The following DNAH9 variants were observed in gnomAD, a reference collection of about 807,000 sequenced individuals.
DNAH9 encodes dynein axonemal heavy chain 9, also known as DNAH9 variant protein.
In DNAH9, 345 loss-of-function variants were observed where a neutral mutation model predicts 471.6. The ratio of observed to expected loss-of-function variants is 0.73; its 90% CI spans 0.67 to 0.80. DNAH9 has a LOEUF of 0.80. Ranked by LOEUF, DNAH9 falls within the 30% of genes least tolerant of loss-of-function variation. The probability of loss-of-function intolerance (pLI) is 0.00; values close to 1 mark genes in which losing one functional copy is unlikely to be tolerated. For synonymous variants in DNAH9, 2,093 were observed against 2,123.6 expected (o/e 0.99, Z 0.40); for missense variants, 5,407 against 5,609.2 (o/e 0.96, Z 1.15).
intron 23 of DNAH9, among the ~76,000 whole-genome samples, chr17:11,700,501 C>G (rs181472683): frequency 6.6e-6 from 1 of 152,102 alleles, no homozygotes; most frequent in Non-Finnish European, 1.5e-5. Flanking sequence ...TAAATATAAG[C>G]CTTTCTTTAT....
intron 49 of DNAH9, among the ~76,000 whole-genome samples, chr17:11,835,643 G>A (rs541400614): frequency 6.6e-6 from 1 of 152,344 alleles, no homozygotes; most frequent in African/African-American, 2.4e-5. Context: ...TGGCACCAGA[G>A]ATGGACAGAA....
intron 61 of DNAH9, among the ~76,000 whole-genome samples, chr17:11,919,224 A>G (rs1212006717): frequency 6.6e-6 from 1 of 151,994 alleles, no homozygotes; most frequent in Admixed American, 6.6e-5. Context: ...GGCGGGGCGC[A>G]GTGGCTCACG....
At chr17:11,782,328 T>C (rs958770037) in intron 39 of DNAH9, among the ~76,000 whole-genome samples, 26 of 152,204 alleles carry the variant, frequency 1.7e-4, no homozygotes, top group Non-Finnish European at 8.8e-5. Context: ...CCTTAGTATG[T>C]CCACTCTCAG....
At chr17:11,915,343 C>A (rs1475051814) in intron 61 of DNAH9, among the ~76,000 whole-genome samples, 2 of 152,078 alleles carry the variant, frequency 1.3e-5, no homozygotes, top group Admixed American at 6.6e-5. Flanking sequence ...GTCCAACATG[C>A]TGAAACCCCA....
intron 17 of DNAH9, among the ~76,000 whole-genome samples, chr17:11,678,611 G>A (rs2074085632): frequency 6.6e-6 from 1 of 152,124 alleles, no homozygotes; most frequent in African/African-American, 2.4e-5. Flanking sequence ...TGTTGTATGT[G>A]TGCTGTCGTT....
At chr17:11,908,551 G>A (rs1973683728) in intron 61 of DNAH9, among the ~76,000 whole-genome samples, 1 of 152,166 alleles carries the variant, frequency 6.6e-6, no homozygotes, top group Non-Finnish European at 1.5e-5. Context: ...TTACTCGGTA[G>A]TCAGAGCTGT....
rs1276740873 is a variant in DNAH9 at position 11,942,373 on chromosome 17, A to G, written c.12731A>G (p.Lys4244Arg). 5 of 1,614,066 alleles carry G rather than the reference A, an allele frequency of 3.1e-6. No homozygotes were observed. The highest frequency in any genetic ancestry group is 3.4e-6 in the Non-Finnish European group (4 of 1,180,038). ...DEFNIPELMA[K>R]VEERTPYIVV... ...TTTAACATCCCAGAACTGATGGCCA[A>G]AGTGGAGGAGCGCACCCCTTACATT... The change falls in exon 67 of 69, where the codon AAA (lysine) becomes AGA (arginine). Residue 4244 changes from lysine (K) to arginine (R), a missense_variant. Lys to Arg is a conservative substitution (Grantham distance 26). This residue lies in a region of DNAH9 where 4,636 missense variants were observed against 4,900.3 expected (regional missense o/e 0.95). Transcript: ENST00000262442.
At chr17:11,710,889 C>G (rs536488426) in intron 26 of DNAH9, among the ~76,000 whole-genome samples, 7 of 152,266 alleles carry the variant, frequency 4.6e-5, no homozygotes, top group Middle Eastern at 3.4e-3. Flanking sequence ...AAAGACTTAT[C>G]TCACACATCT....
chr17:11,891,527 G>A (rs961846163), intron 57 of DNAH9, among the ~76,000 whole-genome samples: 6 of 152,082 alleles, frequency 3.9e-5, no homozygotes, highest in African/African-American at 1.4e-4. Context: ...CACTACACCT[G>A]CTAATTTTTG....
At chr17:11,763,308 G>A (rs1350313198) in intron 35 of DNAH9, 132 bp from the exon 36 acceptor site, 2 of 762,552 alleles carry the variant, frequency 2.6e-6, no homozygotes, top group African/African-American at 1.7e-5. Flanking sequence ...GTGGCGCTCT[G>A]GTTGTCTGTA....
chr17:11,631,032 A>T (rs575938077), intron 7 of DNAH9, among the ~76,000 whole-genome samples: 1 of 152,126 alleles, frequency 6.6e-6, no homozygotes, highest in Non-Finnish European at 1.5e-5. Context: ...TGACTTGGGG[A>T]GGTATAAGTG....
chr17:11,815,292 C>T (rs1434206372), intron 45 of DNAH9, among the ~76,000 whole-genome samples: 2 of 151,878 alleles, frequency 1.3e-5, no homozygotes, highest in East Asian at 3.9e-4. Context: ...CTCTCCCTTA[C>T]CACCTATGTC....
At chr17:11,950,654 C>G (rs952099176) in intron 67 of DNAH9, among the ~76,000 whole-genome samples, 4 of 151,982 alleles carry the variant, frequency 2.6e-5, no homozygotes. Context: ...GCATGAGCCA[C>G]TGTGCCTGGC....
At chr17:11,901,269 A>G (rs1973402077) in intron 59 of DNAH9, among the ~76,000 whole-genome samples, 2 of 152,222 alleles carry the variant, frequency 1.3e-5, no homozygotes, top group South Asian at 2.1e-4. Context: ...GCAGTCAAAC[A>G]TCTAAAAACG....
At chr17:11,812,964 G>A (rs906370911) in intron 45 of DNAH9, among the ~76,000 whole-genome samples, 2 of 152,082 alleles carry the variant, frequency 1.3e-5, no homozygotes, top group Admixed American at 6.6e-5. Flanking sequence ...TAGAGATGTC[G>A]GGCGTGTTGC....
At chr17:11,843,970 A>C (rs979001410) in intron 49 of DNAH9, among the ~76,000 whole-genome samples, 21 of 148,176 alleles carry the variant, frequency 1.4e-4, no homozygotes, top group African/African-American at 4.9e-4. Flanking sequence ...ATAATGTTTT[A>C]TCTCTGGTTA....
At chr17:11,903,182 T>C (rs1033275727) in intron 60 of DNAH9, among the ~76,000 whole-genome samples, 1 of 151,820 alleles carries the variant, frequency 6.6e-6, no homozygotes, top group Non-Finnish European at 1.5e-5. Context: ...CTACTGAAAA[T>C]ACAAAACTTA....
chr17:11,869,249 G>A lies in DNAH9; in HGVS notation c.10049G>A (p.Arg3350His), dbSNP rs761582456. 2.0e-5 allele frequency: 32 copies of A among 1,613,198 alleles called. No homozygotes were observed. The highest frequency in any genetic ancestry group is 1.9e-4 in the South Asian group (17 of 90,946). Reference sequence around the variant, plus strand: ...GCAGTCACCATCTCCCTTGCCAACCGCCTGGTGAGTGTAAGCCACAGCAGC... The same window carrying A: ...GCAGTCACCATCTCCCTTGCCAACCACCTGGTGAGTGTAAGCCACAGCAGC... The part of the protein sequence containing the change: ...VTAVTISLAN[R>H]LVGGLASENV... Residue 3350 changes from arginine to histidine, a missense_variant, in exon 51 of 69, where the codon CGC (arginine) becomes CAC (histidine). Physicochemically the swap from Arg to His is conservative, Grantham distance 29 (BLOSUM62 0). Coordinates refer to ENST00000262442, the MANE Select transcript of DNAH9 (RefSeq NM_001372.4).
intron 18 of DNAH9, 70 bp downstream of exon 18, chr17:11,680,049 GT>G: frequency 8.1e-7 from 1 of 1,229,842 alleles, no homozygotes; most frequent in South Asian, 1.3e-5. Flanking sequence ...ATGGGGTAAA[GT>G]GGGGTACAGC....
Sources: gnomAD v4.1 joint callset for allele counts (sites outside exome capture counted in the v4.1 genomes callset) on GRCh38, gnomAD v4.1.1 for gene constraint, gnomAD v4.1.1 regional missense constraint, MANE v1.5 for transcripts, NCBI Gene and HGNC (gene_info 2026-07-23, HGNC 2026-07-21) for gene names.